The following PRRT1B variants were observed in gnomAD, a reference collection of about 807,000 sequenced individuals.
PRRT1B encodes dispanin subfamily D member 2.
At chr9:131,548,505 T>C (rs1950990115) in intron 1 of PRRT1B, among the ~76,000 whole-genome samples, 1 of 152,316 alleles carries the variant, frequency 6.6e-6, no homozygotes, top group African/African-American at 2.4e-5. Flanking sequence ...CTACAAAATC[T>C]AGATAATTCT....
In PRRT1B at chr9:131,551,473, C is replaced by A. The variant is rs56948063; in HGVS notation, c.26-3084C>A. ...CCACCCCCAAAAAATTTTCGCTGCCCCAACACTTCAACATTATTTTGTTTT... is the reference window on the plus strand; with the variant it reads ...CCACCCCCAAAAAATTTTCGCTGCCACAACACTTCAACATTATTTTGTTTT... On this transcript the variant is annotated intron_variant, in intron 1 of 3. Transcript: ENST00000636672. The surrounding 1 kb of genome is among the most constrained non-coding windows in gnomAD (Gnocchi z 4.4). Among the ~76,000 whole-genome samples the A allele has an allele frequency of 6.6e-6, 1 of 151,932 alleles. No individual in the cohort carries two copies. Among genetic ancestry groups the A allele is most frequent in the Non-Finnish European group, 1.5e-5 (1 of 68,022 alleles).
downstream of PRRT1B, among the ~76,000 whole-genome samples, chr9:131,558,901 T>TCCAGGGCACCCTAC (rs1951067635): frequency 6.6e-6 from 1 of 152,180 alleles, no homozygotes; most frequent in Non-Finnish European, 1.5e-5. Context: ...ACAGTTGGGC[T>TCCAGGGCACCCTAC]CCAGGGCACC....
At chr9:131,555,416 C>T (rs1011369544) in intron 2 of PRRT1B, among the ~76,000 whole-genome samples, 4 of 152,138 alleles carry the variant, frequency 2.6e-5, no homozygotes, top group African/African-American at 9.7e-5. Context: ...TGCCTCATAC[C>T]TGTAATCCCA....
At chr9:131,556,700 C>T (rs377238413) in intron 3 of PRRT1B, among the ~76,000 whole-genome samples, 30 of 151,968 alleles carry the variant, frequency 2.0e-4, no homozygotes, top group Middle Eastern at 3.4e-3. Context: ...GGCGTGATCT[C>T]GGCTCACTGC....
chr9:131,556,149 C>T, exon 3 of PRRT1B: 1 of 401,182 alleles, frequency 2.5e-6, no homozygotes, highest in Non-Finnish European at 4.4e-6. Context: ...ATGATGGAGT[C>T]AGTGCTGGTG....
At chr9:131,545,929 G>A (rs1477364150) in intron 1 of PRRT1B, among the ~76,000 whole-genome samples, 2 of 152,018 alleles carry the variant, frequency 1.3e-5, no homozygotes, top group African/African-American at 4.8e-5. Context: ...CAGGCCCGGG[G>A]CTGTGGTGCC....
chr9:131,559,249 C>T (rs1951069924), downstream of PRRT1B, among the ~76,000 whole-genome samples: 1 of 152,176 alleles, frequency 6.6e-6, no homozygotes, highest in South Asian at 2.1e-4. Context: ...TCAAGACCAA[C>T]CTGGCCAACA....
chr9:131,548,401 GT>G (rs1950989236), intron 1 of PRRT1B, among the ~76,000 whole-genome samples: 4 of 152,064 alleles, frequency 2.6e-5, no homozygotes, highest in Admixed American at 6.6e-5. Context: ...TAAAATCTAA[GT>G]GTCTTATTTT....
At chr9:131,557,962 G>A (rs549704104) in intron 3 of PRRT1B, 91 bp from the exon 4 acceptor site, 1 of 397,920 alleles carries the variant, frequency 2.5e-6, no homozygotes, top group African/African-American at 2.1e-5. Flanking sequence ...TTCTCAGTTT[G>A]TGGAACTGGG....
intron 1 of PRRT1B, among the ~76,000 whole-genome samples, chr9:131,550,939 C>CTTTTTTTTT (rs546049217): frequency 1.7e-4 from 13 of 75,880 alleles, no homozygotes; most frequent in East Asian, 4.0e-4. Context: ...TTTTCTTTTT[C>CTTTTTTTTT]TTTTTTTTTT....
chr9:131,553,151 A>C (rs1951022939), intron 1 of PRRT1B, among the ~76,000 whole-genome samples: 1 of 152,144 alleles, frequency 6.6e-6, no homozygotes, highest in Admixed American at 6.5e-5. Flanking sequence ...ACGATTTACC[A>C]CTTGAACCAC....
chr9:131,554,847 C>T, exon 2 of PRRT1B: 1 of 372,716 alleles, frequency 2.7e-6, no homozygotes, highest in Non-Finnish European at 4.8e-6. Flanking sequence ...GGAGCCCCCG[C>T]CCTACGCGCC....
chr9:131,553,830 G>A lies in PRRT1B; in HGVS notation c.26-727G>A, dbSNP rs991196311. On this transcript the variant is annotated intron_variant, in intron 1 of 3. Transcript: ENST00000636672. ...TTGTACCCTTGCCTGAGGCCCTCTG[G>A]TGCTCAGCTGGTCGGGATGCTCTCA... Among the ~76,000 whole-genome samples the A allele has an allele frequency of 3.3e-5, 5 of 152,208 alleles. No homozygotes were observed. In the East Asian group the frequency reaches 7.7e-4, roughly 23 times the overall value.
At chr9:131,546,520 C>CAA (rs1950976289) in intron 1 of PRRT1B, among the ~76,000 whole-genome samples, 1 of 152,050 alleles carries the variant, frequency 6.6e-6, no homozygotes, top group Non-Finnish European at 1.5e-5. Flanking sequence ...CACTCCCCGC[C>CAA]CCCTCATCCC....
chr9:131,549,154 C>T (rs1261739411), intron 1 of PRRT1B, among the ~76,000 whole-genome samples: 1 of 152,178 alleles, frequency 6.6e-6, no homozygotes, highest in Non-Finnish European at 1.5e-5. Flanking sequence ...CCTCAAACCC[C>T]ACAACAGGAC....
rs913218384 is a variant in PRRT1B, at chr9:131,551,902, C to A, written c.26-2655C>A. ...CAAAAGCTTTATTGCTCACACAAAG[C>A]CTGTTTGGTGGTCTCTTCACACGGA... is the stretch of plus-strand genomic sequence containing the variant. On this transcript the variant is annotated intron_variant, in intron 1 of 3. Coordinates refer to ENST00000636672, the Ensembl canonical transcript of PRRT1B. The surrounding 1 kb of genome is among the most constrained non-coding windows in gnomAD (Gnocchi z 4.4). Among the ~76,000 whole-genome samples, 2 of 152,188 alleles carry A rather than the reference C, an allele frequency of 1.3e-5. No homozygotes were observed. Among genetic ancestry groups the A allele is most frequent in the Non-Finnish European group, 2.9e-5 (2 of 68,044 alleles).
intron 3 of PRRT1B, among the ~76,000 whole-genome samples, chr9:131,557,830 G>A (rs1951060063): frequency 6.6e-6 from 1 of 152,264 alleles, no homozygotes; most frequent in Non-Finnish European, 1.5e-5. Context: ...GGTTGAAGCT[G>A]AGGGCAACTG....
chr9:131,559,340 G>A (rs1234295721), downstream of PRRT1B, among the ~76,000 whole-genome samples: 3 of 152,212 alleles, frequency 2.0e-5, no homozygotes, highest in African/African-American at 7.2e-5. Context: ...CTACTCGGGA[G>A]GCTGAGGCAG....
intron 1 of PRRT1B, among the ~76,000 whole-genome samples, chr9:131,546,339 G>C (rs1424640930): frequency 1.3e-5 from 2 of 152,176 alleles, no homozygotes; most frequent in African/African-American, 2.4e-5. Flanking sequence ...AGGCGCGGAC[G>C]CGGGTGGGAT....
Sources: gnomAD v4.1 joint callset for allele counts (sites outside exome capture counted in the v4.1 genomes callset) on GRCh38, gnomAD v4.1.1 for gene constraint, Gnocchi (gnomAD v3.1) non-coding constraint, MANE v1.5 for transcripts, NCBI Gene and HGNC (gene_info 2026-07-23, HGNC 2026-07-21) for gene names.